KIAA1549L: variants seen among roughly 807,000 people sequenced by gnomAD.
The protein encoded by KIAA1549L is UPF0606 protein KIAA1549L.
KIAA1549L carries 88 observed loss-of-function variants against 160.7 expected under a neutral mutation model. That is an observed-to-expected ratio of 0.55 (90% CI 0.46 to 0.65). The LOEUF is 0.65. KIAA1549L is among the 30% of genes least tolerant of loss of function. The pLI is 0.00. For synonymous variants in KIAA1549L, 950 were observed against 976.7 expected (o/e 0.97, Z 0.51); for missense variants, 2,258 against 2,437.5 (o/e 0.93, Z 1.55).
chr11:33,481,997 T>C (rs1852420535), intron 1 of KIAA1549L, among the ~76,000 whole-genome samples: 1 of 152,238 alleles, frequency 6.6e-6, no homozygotes. Flanking sequence ...AGCATCACAC[T>C]ATTCAGGTTT....
chr11:33,459,244 C>G (rs1041612073), intron 1 of KIAA1549L, among the ~76,000 whole-genome samples: 1 of 152,198 alleles, frequency 6.6e-6, no homozygotes, highest in Non-Finnish European at 1.5e-5. Context: ...GGTTGTCACA[C>G]TGTATTTATT....
chr11:33,599,083 A>C, intron 13 of KIAA1549L, 136 bp downstream of exon 13: 1 of 1,026,106 alleles, frequency 9.7e-7, no homozygotes, highest in Non-Finnish European at 1.4e-6. Flanking sequence ...ATTCTGCCCC[A>C]CAAGGGCCAG....
intron 1 of KIAA1549L, among the ~76,000 whole-genome samples, chr11:33,473,937 T>C (rs1433013924): frequency 1.3e-5 from 2 of 152,210 alleles, no homozygotes; most frequent in Non-Finnish European, 2.9e-5. Context: ...TTCTGCGGGC[T>C]GTACAAGCAT....
intron 19 of KIAA1549L, among the ~76,000 whole-genome samples, chr11:33,660,123 T>C (rs964803873): frequency 6.6e-6 from 1 of 152,186 alleles, no homozygotes; most frequent in Non-Finnish European, 1.5e-5. Context: ...TTTGGTGAAG[T>C]TGGAAAAAGA....
chr11:33,389,733 G>A (rs998299897), intron 1 of KIAA1549L, among the ~76,000 whole-genome samples: 3 of 152,316 alleles, frequency 2.0e-5, no homozygotes, highest in Admixed American at 2.0e-4. Context: ...TCCCTGCAGA[G>A]ACAACAGTCT....
intron 1 of KIAA1549L, among the ~76,000 whole-genome samples, chr11:33,483,472 A>G (rs55681209): frequency 0.019 from 2,824 of 152,248 alleles, 76 homozygotes; most frequent in African/African-American, 0.062. Flanking sequence ...ATGGTGAAAG[A>G]GACATCATGA....
intron 11 of KIAA1549L, among the ~76,000 whole-genome samples, chr11:33,589,740 A>G (rs11032309): frequency 0.25 from 38,080 of 150,842 alleles, 4,942 homozygotes; most frequent in East Asian, 0.37. Context: ...GAAGGGAGAC[A>G]TCACACACCA....
intron 1 of KIAA1549L, among the ~76,000 whole-genome samples, chr11:33,514,846 C>G (rs1853308192): frequency 6.6e-6 from 1 of 152,188 alleles, no homozygotes; most frequent in Non-Finnish European, 1.5e-5. Context: ...ATAAACTTGT[C>G]TCACGTTTGC....
intron 1 of KIAA1549L, among the ~76,000 whole-genome samples, chr11:33,494,339 A>T (rs1852764987): frequency 6.6e-6 from 1 of 152,228 alleles, no homozygotes; most frequent in Admixed American, 6.5e-5. Flanking sequence ...AAATCCACTC[A>T]TGGAAGGGGT....
intron 17 of KIAA1549L, among the ~76,000 whole-genome samples, chr11:33,655,175 A>T (rs1852022126): frequency 6.6e-6 from 1 of 152,084 alleles, no homozygotes; most frequent in Non-Finnish European, 1.5e-5. Flanking sequence ...ATCCCCTCAC[A>T]TGTTGATAAA....
chr11:33,641,612 AT>A (rs2133395488), intron 16 of KIAA1549L, among the ~76,000 whole-genome samples: 1 of 54,892 alleles, frequency 1.8e-5, no homozygotes, highest in South Asian at 4.3e-4. Flanking sequence ...ATATATATAT[AT>A]ATATATATAT....
Position 33,589,463 on chromosome 11 carries a change from G to A in KIAA1549L, c.4567-1774G>A, listed in dbSNP as rs556644181. Among the ~76,000 whole-genome samples the A allele has an allele frequency of 3.3e-5, 5 of 152,304 alleles. No individual in the cohort carries two copies. In the East Asian group the frequency reaches 9.6e-4, roughly 29 times the overall value. ...TGCTGCTATAAAGACACATGCATAC[G>A]TATGTTTATTGCGGCACTATTCACA... On this transcript the variant is annotated intron_variant, in intron 11 of 20. Transcript: ENST00000658780.
chr11:33,660,803 G>A, intron 19 of KIAA1549L, 60 bp from the exon 20 acceptor site: 2 of 1,554,006 alleles, frequency 1.3e-6, no homozygotes, highest in Non-Finnish European at 1.8e-6. Context: ...TGGCTCTTGG[G>A]TGGCTGGATC....
chr11:33,435,785 T>G (rs1438496931), intron 1 of KIAA1549L, among the ~76,000 whole-genome samples: 1 of 11,008 alleles, frequency 9.1e-5, no homozygotes. Context: ...TATATATATA[T>G]ATATATATAT....
chr11:33,520,264 A>G (rs1590306205), intron 1 of KIAA1549L, among the ~76,000 whole-genome samples: 1 of 152,072 alleles, frequency 6.6e-6, no homozygotes, highest in South Asian at 2.1e-4. Flanking sequence ...AATATTGTAT[A>G]CCCTTTGACC....
At chr11:33,534,536 CTA>C (rs1853849786) in intron 1 of KIAA1549L, among the ~76,000 whole-genome samples, 1 of 151,394 alleles carries the variant, frequency 6.6e-6, no homozygotes, top group Admixed American at 6.6e-5. Context: ...TTGATAAAAA[CTA>C]AAATTCTGTA....
rs2273117 is a variant in KIAA1549L, at chr11:33,583,339, C to G, written c.4404C>G (p.Pro1468=). Residue 1468 remains proline (P), a splice_region_variant and synonymous_variant, in exon 11 of 21, where the codon CCC becomes CCG. Transcript: ENST00000658780. ...CCTCCTGCTGGCTCTTTCCCACAGC[C>G]GTGGTGAAGAACCCGCCCAATAACC... is the stretch of plus-strand genomic sequence containing the variant. The part of the protein sequence containing the change: ...LHHVVLLQAD[P]VVKNPPNNLW... 1,633 of 1,601,076 alleles carry G rather than the reference C, an allele frequency of 1.0e-3. No homozygotes were observed. Among genetic ancestry groups the G allele is most frequent in the Non-Finnish European group, 1.2e-3 (1,457 of 1,173,864 alleles).
intron 9 of KIAA1549L, among the ~76,000 whole-genome samples, chr11:33,574,221 AG>A (rs1180156257): frequency 6.1e-4 from 90 of 147,582 alleles, no homozygotes; most frequent in African/African-American, 2.1e-3. Context: ...AAAAAAAAAA[AG>A]CAAAACCGTT....
At chr11:33,522,787 T>C (rs572181183) in intron 1 of KIAA1549L, among the ~76,000 whole-genome samples, 69 of 152,098 alleles carry the variant, frequency 4.5e-4, no homozygotes, top group African/African-American at 1.6e-3. Context: ...TAGTCCTAGC[T>C]ACCTGGGAGA....
Sources: allele counts gnomAD v4.1 joint callset (sites outside exome capture counted in the v4.1 genomes callset), GRCh38; gene constraint gnomAD v4.1.1; transcripts MANE v1.5; gene names NCBI Gene and HGNC (gene_info 2026-07-23, HGNC 2026-07-21).